The following CHEK1 variants were observed in gnomAD, a reference collection of about 807,000 sequenced individuals.
CHEK1 encodes the protein serine/threonine-protein kinase Chk1.
A neutral mutation model predicts 60.2 loss-of-function variants in CHEK1; 32 were observed. The ratio of observed to expected loss-of-function variants is 0.53; its 90% CI spans 0.40 to 0.71. The LOEUF (loss-of-function observed/expected upper bound fraction) is 0.71. Ranked by LOEUF, CHEK1 falls within the 30% of genes least tolerant of loss-of-function variation. The pLI is 0.00. For synonymous variants in CHEK1, 179 were observed against 187.2 expected (o/e 0.96, Z 0.36); for missense variants, 399 against 564.6 (o/e 0.71, Z 2.97).
chr11:125,641,304 T>G (rs74447679), intron 8 of CHEK1, among the ~76,000 whole-genome samples: 4,038 of 152,292 alleles, frequency 0.027, 84 homozygotes, highest in Non-Finnish European at 0.044. Context: ...TCCTTCTCAC[T>G]GGTCGCTCTT....
chr11:125,633,108 A>T, intron 5 of CHEK1, 55 bp from the exon 6 acceptor site: 1 of 1,471,212 alleles, frequency 6.8e-7, no homozygotes, highest in Non-Finnish European at 9.1e-7. Context: ...TCCTGTAAGT[A>T]TATCTATTTG....
chr11:125,666,608 T>C (rs1227599942), intron 13 of CHEK1, among the ~76,000 whole-genome samples: 1 of 152,216 alleles, frequency 6.6e-6, no homozygotes, highest in Non-Finnish European at 1.5e-5. Context: ...ACCCCTAATA[T>C]TACTGTATTG....
In CHEK1 at chr11:125,653,727, C is replaced by A. The variant is rs1241729110; in HGVS notation, c.1234-19C>A. The A allele has an allele frequency of 3.0e-6, 4 of 1,346,106 alleles. No homozygotes were observed. The highest frequency in any genetic ancestry group is 4.2e-6 in the Non-Finnish European group (4 of 948,688). 83.4% of individuals were successfully genotyped at this position (1,346,106 alleles called of 1,614,324 possible). ...TATCTACTCACCCATGTGGCTTAAC[C>A]TTATTTTTGTTGCCTTAGGTTACTA... On this transcript the variant is annotated intron_variant, in intron 11 of 12. Transcript: ENST00000438015. This position sits in a 1 kb window ranked among gnomAD's most constrained non-coding sequence, Gnocchi z 4.3.
intron 5 of CHEK1, among the ~76,000 whole-genome samples, chr11:125,631,001 A>G (rs1017479130): frequency 1.3e-5 from 2 of 152,228 alleles, no homozygotes; most frequent in African/African-American, 2.4e-5. Flanking sequence ...AAAAGAATTC[A>G]TATGGTCTGA....
At chr11:125,677,968 G>T, downstream of CHEK1, 3 of 1,612,520 alleles carry the variant, frequency 1.9e-6, no homozygotes, top group South Asian at 2.2e-5. Flanking sequence ...CTCAAAGGCT[G>T]TTCTCCGGAG....
chr11:125,652,633 A>G (rs1349568295), intron 11 of CHEK1, among the ~76,000 whole-genome samples: 1 of 152,094 alleles, frequency 6.6e-6, no homozygotes, highest in Non-Finnish European at 1.5e-5. Context: ...GAGACTCTGG[A>G]ATGAGTGAGA....
chr11:125,674,979 C>T (rs866809066), intron 13 of CHEK1, among the ~76,000 whole-genome samples: 3 of 152,114 alleles, frequency 2.0e-5, no homozygotes, highest in African/African-American at 4.8e-5. Context: ...GCTTTCATTC[C>T]CTGTCTCTGG....
intron 11 of CHEK1, among the ~76,000 whole-genome samples, chr11:125,647,181 A>T (rs1212098827): frequency 6.6e-6 from 1 of 152,138 alleles, no homozygotes; most frequent in African/African-American, 2.4e-5. Flanking sequence ...ATATAGTATG[A>T]TGTAGGGTGC....
intron 5 of CHEK1, among the ~76,000 whole-genome samples, chr11:125,632,466 T>C (rs1469444814): frequency 6.6e-6 from 1 of 152,140 alleles, no homozygotes; most frequent in Admixed American, 6.6e-5. Flanking sequence ...TTCATAACAG[T>C]TTTCTATTGT....
intron 11 of CHEK1, among the ~76,000 whole-genome samples, chr11:125,650,698 G>A (rs916261217): frequency 6.6e-6 from 1 of 151,900 alleles, no homozygotes; most frequent in Non-Finnish European, 1.5e-5. Flanking sequence ...AGGTGGCTGG[G>A]ATTACAGGTG....
At chr11:125,641,425 T>G (rs1239209335) in intron 8 of CHEK1, among the ~76,000 whole-genome samples, 1 of 152,206 alleles carries the variant, frequency 6.6e-6, no homozygotes, top group Non-Finnish European at 1.5e-5. Flanking sequence ...ACTCCATTAG[T>G]GATATTACTT....
rs776282654 is a variant in CHEK1, at chr11:125,653,829, T to G, written c.1317T>G (p.Val439=). Residue 439 remains valine (V), a synonymous_variant, in exon 12 of 13, where the codon GTT becomes GTG. Coordinates refer to ENST00000438015, the MANE Select transcript of CHEK1 (RefSeq NM_001114122.3). The surrounding 1 kb of genome is among the most constrained non-coding windows in gnomAD (Gnocchi z 4.3). Reference sequence around the variant, plus strand: ...TAGAAATGGATGATAAAATATTGGTTGACTTCCGGCTTTCTAAGGTATTTT... The same window carrying G: ...TAGAAATGGATGATAAAATATTGGTGGACTTCCGGCTTTCTAAGGTATTTT... The part of the protein sequence containing the change: ...NLLEMDDKIL[V]DFRLSKGDGL... The G allele has an allele frequency of 1.5e-5, 23 of 1,561,710 alleles. No homozygotes were observed. Among genetic ancestry groups the G allele is most frequent in the Non-Finnish European group, 2.0e-5 (23 of 1,140,720 alleles).
chr11:125,666,240 T>C (rs1305492657), intron 13 of CHEK1, among the ~76,000 whole-genome samples: 1 of 150,330 alleles, frequency 6.7e-6, no homozygotes, highest in African/African-American at 2.4e-5. Flanking sequence ...TTACTTCTAA[T>C]TTTTTTTTTC....
intron 8 of CHEK1, among the ~76,000 whole-genome samples, chr11:125,641,639 T>G (rs1215284055): frequency 1.3e-5 from 2 of 152,216 alleles, no homozygotes; most frequent in Admixed American, 1.3e-4. Context: ...GTCTTTCCCA[T>G]GTTGGTTAAT....
intron 13 of CHEK1, among the ~76,000 whole-genome samples, chr11:125,669,772 C>T (rs1328965181): frequency 6.6e-6 from 1 of 152,042 alleles, no homozygotes; most frequent in African/African-American, 2.4e-5. Flanking sequence ...GATCCACCCG[C>T]CTCGGCCTCC....
Position 125,635,427 on chromosome 11 carries a change from A to G in CHEK1, c.614-2A>G. 1 of 1,545,392 alleles carries G rather than the reference A, an allele frequency of 6.5e-7. No individual in the cohort carries two copies. The highest frequency in any genetic ancestry group is 1.2e-5 in the South Asian group (1 of 80,422). ...AAAAACTGGGACTTGCTTTGTTTTT[A>G]GAATTGCCATGGGACCAACCCAGTG... On this transcript the variant is annotated splice_acceptor_variant, in intron 6 of 12. Transcript: ENST00000438015. LOFTEE classifies it high-confidence loss of function.
chr11:125,627,852 A>C, intron 3 of CHEK1, 22 bp downstream of exon 3: 1 of 1,485,326 alleles, frequency 6.7e-7, no homozygotes. Flanking sequence ...ATTTAAGATA[A>C]TTATTTTAAA....
downstream of CHEK1, among the ~76,000 whole-genome samples, chr11:125,680,151 AC>A (rs1942731065): frequency 6.6e-6 from 1 of 152,190 alleles, no homozygotes; most frequent in Non-Finnish European, 1.5e-5. Context: ...TTGTTTTTTC[AC>A]TGAAAGCTCA....
chr11:125,640,133 C>T, intron 8 of CHEK1, among the ~76,000 whole-genome samples: 1 of 152,120 alleles, frequency 6.6e-6, no homozygotes. Flanking sequence ...ATTTTGTTGC[C>T]AAGAGTCACA....
Sources: allele counts gnomAD v4.1 joint callset (sites outside exome capture counted in the v4.1 genomes callset), GRCh38; gene constraint gnomAD v4.1.1; non-coding constraint Gnocchi (gnomAD v3.1); transcripts MANE v1.5; gene names NCBI Gene and HGNC (gene_info 2026-07-23, HGNC 2026-07-21).